Variants in MINDY1 observed in about 807,000 individuals in gnomAD.
MINDY1 encodes ubiquitin carboxyl-terminal hydrolase MINDY-1.
In MINDY1, 50 loss-of-function variants were observed where a neutral mutation model predicts 53.6. That is an observed-to-expected ratio of 0.93 (90% CI 0.74 to 1.18). The LOEUF (loss-of-function observed/expected upper bound fraction) is 1.18. Among genes scored for constraint, MINDY1 ranks in the 50% most tolerant of loss-of-function variants. The probability of loss-of-function intolerance (pLI) is 0.00; values close to 1 mark genes in which losing one functional copy is unlikely to be tolerated. For synonymous variants in MINDY1, 231 were observed against 234.7 expected (o/e 0.98, Z 0.14); for missense variants, 484 against 578.6 (o/e 0.84, Z 1.68).
Position 150,999,308 on chromosome 1 carries a change from A to G in MINDY1, c.981+61T>C. 3 of 1,603,826 alleles carry G rather than the reference A, an allele frequency of 1.9e-6. No homozygotes were observed. The highest frequency in any genetic ancestry group is 2.6e-6 in the Non-Finnish European group (3 of 1,173,106). Reference sequence around the variant, plus strand: ...AATCTAGCTGATCCCAGCTGGACCCACGAGAAAAAGGCACCAGGAAATGAC... The same window carrying G: ...AATCTAGCTGATCCCAGCTGGACCCGCGAGAAAAAGGCACCAGGAAATGAC... On this transcript the variant is annotated intron_variant, in intron 7 of 9. Coordinates refer to ENST00000683666, the MANE Select transcript of MINDY1 (RefSeq NM_001376665.1). This position sits in a 1 kb window ranked among gnomAD's most constrained non-coding sequence, Gnocchi z 4.4.
intron 1 of MINDY1, 86 bp downstream of exon 1, chr1:151,006,226 A>G (rs1054871496): frequency 2.0e-6 from 3 of 1,533,212 alleles, no homozygotes; most frequent in East Asian, 2.5e-5. Context: ...GTGGAAGGAC[A>G]GCAGGTGTCA....
chr1:151,006,592 C>G lies in MINDY1; in HGVS notation c.-370G>C, dbSNP rs1673242289. 1.0e-6 allele frequency: 1 copy of G among 990,974 alleles called. No individual in the cohort carries two copies. The highest frequency in any genetic ancestry group is 6.1e-5 in the Admixed American group (1 of 16,508). 61.4% of individuals were successfully genotyped at this position (990,974 alleles called of 1,614,324 possible). A position where few individuals can be genotyped will look rare whatever the true frequency, so the allele number is the denominator to read the frequency against. On this transcript the variant is annotated 5_prime_UTR_variant, in exon 1 of 10. Coordinates refer to ENST00000683666, the MANE Select transcript of MINDY1 (RefSeq NM_001376665.1). ...GTCGCTCAGAGAGTCTTCAGGATTC[C>G]TGAGTCGCCGAGTCTATGGCATGCG...
chr1:151,005,582 C>A (rs587653147), intron 1 of MINDY1, among the ~76,000 whole-genome samples: 2 of 151,810 alleles, frequency 1.3e-5, no homozygotes, highest in African/African-American at 2.4e-5. Context: ...GAGAGGTGAG[C>A]CAAAGGAACC....
chr1:151,001,541 C>A (rs587689414), intron 3 of MINDY1, among the ~76,000 whole-genome samples, 184 bp downstream of exon 3: 2 of 152,346 alleles, frequency 1.3e-5, no homozygotes, highest in South Asian at 4.1e-4. Flanking sequence ...ATTGGTGTTA[C>A]AACCCAGGAC....
In MINDY1 at chr1:151,002,262, A is replaced by G. The variant is rs201864337; in HGVS notation, c.356T>C (p.Ile119Thr). The change falls in exon 2 of 10, where the codon ATC becomes ACC. Residue 119 changes from isoleucine (I) to threonine (T), a missense_variant. Coordinates refer to ENST00000683666, the MANE Select transcript of MINDY1 (RefSeq NM_001376665.1). The surrounding 1 kb of genome is among the most constrained non-coding windows in gnomAD (Gnocchi z 4.1). ...GGGTGTCTGTTCTCCTTTCCAAGGG[A>G]TCCACTTGACACAGTAGAAATCTGG... Reference protein sequence around the residue: ...PEPDFYCVKWIPWKGEQTPII... With the variant: ...PEPDFYCVKWTPWKGEQTPII... 66 of 1,614,018 alleles carry G rather than the reference A, an allele frequency of 4.1e-5. No individual in the cohort carries two copies. The highest frequency in any genetic ancestry group is 1.6e-4 in the Middle Eastern group (1 of 6,084).
At chr1:151,000,053 T>A in intron 5 of MINDY1, 89 bp from the exon 6 acceptor site, 3 of 930,574 alleles carry the variant, frequency 3.2e-6, no homozygotes, top group Non-Finnish European at 5.0e-6. Flanking sequence ...TCACAAGGAC[T>A]ACAACCCTGT....
chr1:151,007,803 T>C (rs1370221654), upstream of MINDY1, among the ~76,000 whole-genome samples: 5 of 152,128 alleles, frequency 3.3e-5, 1 homozygote, highest in Non-Finnish European at 7.3e-5. Flanking sequence ...TTCCCTAAAC[T>C]CTATGTACAG....
In MINDY1 at chr1:151,002,526, G is replaced by A; in HGVS notation, c.92C>T (p.Pro31Leu). The change falls in exon 2 of 10, where the codon CCA (proline) becomes CTA (leucine). Residue 31 changes from proline to leucine, a missense_variant. Transcript: ENST00000683666. The surrounding 1 kb of genome is among the most constrained non-coding windows in gnomAD (Gnocchi z 4.1). ...IPENHEVLAG[P>L]DEHPQDTDAR... is the part of the protein sequence containing the mutation. ...ATCTGTGTCCTGAGGGTGCTCATCT[G>A]GGCCTGCCAGAACCTCATGGTTTTC... 1 of 1,614,158 alleles carries A rather than the reference G, an allele frequency of 6.2e-7. No individual in the cohort carries two copies. The highest frequency in any genetic ancestry group is 1.3e-5 in the African/African-American group (1 of 75,038).
At position 150,999,553 on chromosome 1, in the gene MINDY1, C is replaced by T. The variant is rs1672296964; in HGVS notation, c.839-42G>A. The T allele has an allele frequency of 5.0e-6, 8 of 1,609,800 alleles. No individual in the cohort carries two copies. The highest frequency in any genetic ancestry group is 5.9e-6 in the Non-Finnish European group (7 of 1,179,352). ...AGTCGGGGGAAACTTGGCTTAAATTCAAGGTCCACAACAGGAAGGACCATC... is the reference window on the plus strand; with the variant it reads ...AGTCGGGGGAAACTTGGCTTAAATTTAAGGTCCACAACAGGAAGGACCATC... On this transcript the variant is annotated intron_variant, in intron 6 of 9. Transcript: ENST00000683666. This position sits in a 1 kb window ranked among gnomAD's most constrained non-coding sequence, Gnocchi z 4.4.
rs780349225 is a variant in MINDY1, at chr1:151,006,596, G to A, written c.-374C>T. 3.0e-6 allele frequency: 3 copies of A among 990,370 alleles called. No homozygotes were observed. Among genetic ancestry groups the A allele is most frequent in the Non-Finnish European group, 2.4e-6 (2 of 833,376 alleles). 61.3% of individuals were successfully genotyped at this position (990,370 alleles called of 1,614,324 possible). A position where few individuals can be genotyped will look rare whatever the true frequency, so the allele number is the denominator to read the frequency against. On this transcript the variant is annotated 5_prime_UTR_variant, in exon 1 of 10. Coordinates refer to ENST00000683666, the MANE Select transcript of MINDY1 (RefSeq NM_001376665.1). ...CTCAGAGAGTCTTCAGGATTCCTGA[G>A]TCGCCGAGTCTATGGCATGCGCTCC...
At position 150,999,323 on chromosome 1, in the gene MINDY1, C is replaced by T; in HGVS notation, c.981+46G>A. ...AGCTGGACCCACGAGAAAAAGGCACCAGGAAATGACAGCACCGCAGCACGC... is the reference window on the plus strand; with the variant it reads ...AGCTGGACCCACGAGAAAAAGGCACTAGGAAATGACAGCACCGCAGCACGC... On this transcript the variant is annotated intron_variant, in intron 7 of 9. Coordinates refer to ENST00000683666, the MANE Select transcript of MINDY1 (RefSeq NM_001376665.1). This position sits in a 1 kb window ranked among gnomAD's most constrained non-coding sequence, Gnocchi z 4.4. The T allele has an allele frequency of 6.2e-7, 1 of 1,607,812 alleles. No individual in the cohort carries two copies. Among genetic ancestry groups the T allele is most frequent in the Middle Eastern group, 1.7e-4 (1 of 6,032 alleles).
intron 1 of MINDY1, chr1:151,006,098 C>A: frequency 6.4e-7 from 1 of 1,551,684 alleles, no homozygotes; most frequent in Non-Finnish European, 8.7e-7. Context: ...TATACTTGCT[C>A]ACAAGGAGAG....
intron 1 of MINDY1, chr1:151,003,015 G>A (rs985181229): frequency 3.5e-6 from 4 of 1,126,784 alleles, no homozygotes; most frequent in Non-Finnish European, 4.4e-6. Context: ...GAGAGAAAGG[G>A]AGAGCACAAA....
Position 150,999,824 on chromosome 1 carries a change from C to T in MINDY1, c.838+38G>A, listed in dbSNP as rs1672330890. On this transcript the variant is annotated intron_variant, in intron 6 of 9. Coordinates refer to ENST00000683666, the MANE Select transcript of MINDY1 (RefSeq NM_001376665.1). This position sits in a 1 kb window ranked among gnomAD's most constrained non-coding sequence, Gnocchi z 4.4. ...AAATAAGCCTAAGTAGCTGTCATTC[C>T]CTCCACATACTATCCATGAGAAGGG... The T allele has an allele frequency of 7.1e-6, 11 of 1,559,494 alleles. No homozygotes were observed. The highest frequency in any genetic ancestry group is 2.7e-5 in the African/African-American group (2 of 73,848).
In MINDY1 at chr1:151,006,678, T is replaced by C; in HGVS notation, c.-456A>G. On this transcript the variant is annotated 5_prime_UTR_variant, in exon 1 of 10. Coordinates refer to ENST00000683666, the MANE Select transcript of MINDY1 (RefSeq NM_001376665.1). ...AGTTTGTGGTTTTTCTTTTCTTCTCTCTCTCTTTTTTGTTCTCATCAGGAC... is the reference window on the plus strand; with the variant it reads ...AGTTTGTGGTTTTTCTTTTCTTCTCCCTCTCTTTTTTGTTCTCATCAGGAC... The C allele has an allele frequency of 1.0e-6, 1 of 986,038 alleles. No homozygotes were observed. Among genetic ancestry groups the C allele is most frequent in the Non-Finnish European group, 1.2e-6 (1 of 830,362 alleles). The allele number at this position is 986,038 out of a possible 1,614,324, so 61.1% of individuals were successfully genotyped here.
In MINDY1 at chr1:151,006,474, A is replaced by C; in HGVS notation, c.-252T>G. On this transcript the variant is annotated 5_prime_UTR_variant, in exon 1 of 10. Coordinates refer to ENST00000683666, the MANE Select transcript of MINDY1 (RefSeq NM_001376665.1). ...TACACAGCTTTATAAGCGACGGTCC[A>C]GGCTGGGTTGTGGCCACTTCCGGAC... 1.8e-6 allele frequency: 2 copies of C among 1,094,462 alleles called. No individual in the cohort carries two copies. The highest frequency in any genetic ancestry group is 2.2e-6 in the Non-Finnish European group (2 of 894,812). The allele number at this position is 1,094,462 out of a possible 1,614,324, so 67.8% of individuals were successfully genotyped here.
chr1:151,000,976 G>A (rs1672502177), intron 4 of MINDY1, among the ~76,000 whole-genome samples: 3 of 151,834 alleles, frequency 2.0e-5, no homozygotes, highest in Admixed American at 2.0e-4. Context: ...TTTTTTTAGA[G>A]ACAGGGGTAT....
Position 150,999,246 on chromosome 1 carries a change from C to T in MINDY1, c.981+123G>A. 1.4e-6 allele frequency: 2 copies of T among 1,388,426 alleles called. No individual in the cohort carries two copies. The highest frequency in any genetic ancestry group is 2.6e-5 in the South Asian group (2 of 77,030). 86.0% of individuals were successfully genotyped at this position (1,388,426 alleles called of 1,614,324 possible). ...GGAAATGAACCTTTGTTGTGGTAAA[C>T]CACAGGGATTTGAGGGGTCACTTGC... On this transcript the variant is annotated intron_variant, in intron 7 of 9. Transcript: ENST00000683666. The surrounding 1 kb of genome is among the most constrained non-coding windows in gnomAD (Gnocchi z 4.4).
rs1206464437 is a variant in MINDY1, at chr1:151,000,419, G to A, written c.735+38C>T. On this transcript the variant is annotated intron_variant, in intron 5 of 9. Coordinates refer to ENST00000683666, the MANE Select transcript of MINDY1 (RefSeq NM_001376665.1). Reference sequence around the variant, plus strand: ...AAATTTGCCTCTCTCATGTCAGCTTGAGCTGGATAAGGTCCCAGTGGGCCC... The same window carrying A: ...AAATTTGCCTCTCTCATGTCAGCTTAAGCTGGATAAGGTCCCAGTGGGCCC... The A allele has an allele frequency of 2.6e-6, 4 of 1,543,406 alleles. No individual in the cohort carries two copies. The African/African-American group carries it at 5.5e-5, about 21-fold the overall frequency.
Sources: gnomAD v4.1 joint callset for allele counts (sites outside exome capture counted in the v4.1 genomes callset) on GRCh38, gnomAD v4.1.1 for gene constraint, Gnocchi (gnomAD v3.1) non-coding constraint, MANE v1.5 for transcripts, NCBI Gene and HGNC (gene_info 2026-07-23, HGNC 2026-07-21) for gene names.